Variants in ZNF365 observed in about 807,000 individuals in gnomAD.
ZNF365 encodes the protein zinc finger protein 365.
ZNF365 carries 22 observed loss-of-function variants against 35.0 expected under a neutral mutation model. The ratio of observed to expected loss-of-function variants is 0.63; its 90% CI spans 0.45 to 0.90. The LOEUF (loss-of-function observed/expected upper bound fraction) is 0.90. Ranked by LOEUF, ZNF365 falls within the 40% of genes least tolerant of loss-of-function variation. The probability of loss-of-function intolerance (pLI) is 0.00; values close to 1 mark genes in which losing one functional copy is unlikely to be tolerated. For synonymous variants in ZNF365, 188 were observed against 196.2 expected, an observed-to-expected ratio of 0.96 and a Z score of 0.35; for missense variants, 448 against 500.3, an observed-to-expected ratio of 0.90 and a Z score of 1.00.
chr10:62,411,384 T>A (rs1483689677), intron 3 of ZNF365, among the ~76,000 whole-genome samples: 1 of 152,154 alleles, frequency 6.6e-6, no homozygotes, highest in African/African-American at 2.4e-5. Context: ...TTGCCTAGAT[T>A]TTCTCCTAGG....
chr10:62,436,073 TTTTC>T (rs1840402275), intron 3 of ZNF365, among the ~76,000 whole-genome samples: 1 of 152,194 alleles, frequency 6.6e-6, no homozygotes, highest in Non-Finnish European at 1.5e-5. Context: ...AGACTGTTAC[TTTTC>T]TTTCTTATTC....
Position 62,416,245 on chromosome 10 carries a change from GA to G in ZNF365, c.924+27680del, listed in dbSNP as rs201929194. On this transcript the variant is annotated intron_variant, in intron 3 of 4. Transcript: ENST00000395255. Reference sequence around the variant, plus strand: ...TACCTGGTCAGATAAAATATTACCAGAAAAAAAAAAACGATGAAACTAAAAC... The same window carrying G: ...TACCTGGTCAGATAAAATATTACCAGAAAAAAAAAACGATGAAACTAAAAC... Among the ~76,000 whole-genome samples, 1,005 of 140,916 alleles carry G rather than the reference GA, an allele frequency of 7.1e-3. 27 individuals are homozygous for G. The East Asian group carries it at 0.09, about 13-fold the overall frequency. 92.4% of individuals were successfully genotyped at this position (140,916 alleles called of 152,430 possible). A position where few individuals can be genotyped will look rare whatever the true frequency, so the allele number is the denominator to read the frequency against.
chr10:62,420,473 A>G (rs1840149100), intron 3 of ZNF365, among the ~76,000 whole-genome samples: 1 of 152,202 alleles, frequency 6.6e-6, no homozygotes, highest in South Asian at 2.1e-4. Flanking sequence ...AGAGAATTGC[A>G]TGTAGGATTT....
At chr10:62,432,095 C>G (rs1290465328) in intron 3 of ZNF365, among the ~76,000 whole-genome samples, 1 of 152,110 alleles carries the variant, frequency 6.6e-6, no homozygotes, top group African/African-American at 2.4e-5. Flanking sequence ...GTCTGGTTTA[C>G]TGTGATTTGT....
chr10:62,428,197 T>C (rs988889573), intron 3 of ZNF365, among the ~76,000 whole-genome samples: 1 of 152,218 alleles, frequency 6.6e-6, no homozygotes, highest in Non-Finnish European at 1.5e-5. Context: ...TTCTGGGATG[T>C]AGATGTGTAC....
intron 3 of ZNF365, among the ~76,000 whole-genome samples, chr10:62,395,370 T>C (rs1467437228): frequency 6.6e-6 from 1 of 150,386 alleles, no homozygotes; most frequent in Non-Finnish European, 1.5e-5. Flanking sequence ...TTCGAGGCGC[T>C]CTTGTTGCCC....
intron 4 of ZNF365, among the ~76,000 whole-genome samples, chr10:62,467,269 TAA>T (rs920273650): frequency 9.2e-5 from 14 of 152,246 alleles, no homozygotes; most frequent in African/African-American, 3.1e-4. Flanking sequence ...GATTCAATGC[TAA>T]AAGTGGTCAA....
chr10:62,442,203 C>G (rs150718844), intron 3 of ZNF365, among the ~76,000 whole-genome samples: 5 of 152,276 alleles, frequency 3.3e-5, no homozygotes, highest in African/African-American at 1.2e-4. Context: ...AACAGCAACT[C>G]AAAGCTTTCC....
intron 3 of ZNF365, among the ~76,000 whole-genome samples, chr10:62,425,148 A>G (rs925059548): frequency 3.4e-4 from 51 of 152,172 alleles, no homozygotes; most frequent in African/African-American, 1.2e-3. Context: ...AACATTTTAA[A>G]TGTTACGTTT....
At chr10:62,377,207 C>T (rs1485357276) in intron 2 of ZNF365, among the ~76,000 whole-genome samples, 4 of 152,196 alleles carry the variant, frequency 2.6e-5, no homozygotes, top group Non-Finnish European at 5.9e-5. Context: ...AGAGAGAAGA[C>T]TAGCACAGCC....
At chr10:62,475,970 A>T (rs1841123769) in intron 4 of ZNF365, among the ~76,000 whole-genome samples, 1 of 152,154 alleles carries the variant, frequency 6.6e-6, no homozygotes, top group Admixed American at 6.6e-5. Context: ...GATCTTATTG[A>T]ATCTCCTGCA....
At chr10:62,450,312 T>C (rs947963739) in intron 3 of ZNF365, among the ~76,000 whole-genome samples, 2 of 152,164 alleles carry the variant, frequency 1.3e-5, no homozygotes, top group African/African-American at 4.8e-5. Context: ...CATTTAATCA[T>C]TCCATACGTC....
intron 3 of ZNF365, among the ~76,000 whole-genome samples, chr10:62,441,031 A>T (rs1840491984): frequency 6.6e-6 from 1 of 152,220 alleles, no homozygotes. Context: ...AATTATTTAA[A>T]TATTCACTTA....
At chr10:62,450,232 C>T (rs142382892) in intron 3 of ZNF365, among the ~76,000 whole-genome samples, 601 of 152,254 alleles carry the variant, frequency 3.9e-3, no homozygotes, top group Non-Finnish European at 5.9e-3. Context: ...TTTGTAACAA[C>T]GATAGCTAAT....
chr10:62,415,030 T>C (rs1245780615), intron 3 of ZNF365, among the ~76,000 whole-genome samples: 1 of 151,942 alleles, frequency 6.6e-6, no homozygotes, highest in Non-Finnish European at 1.5e-5. Context: ...GTCTGATTTG[T>C]TTTTAGAGAT....
At chr10:62,454,266 C>T (rs1162955898) in intron 3 of ZNF365, among the ~76,000 whole-genome samples, 1 of 152,164 alleles carries the variant, frequency 6.6e-6, no homozygotes, top group Non-Finnish European at 1.5e-5. Context: ...AAAGTCTGTA[C>T]AATATGACAA....
At chr10:62,452,477 G>C (rs1332468666) in intron 3 of ZNF365, among the ~76,000 whole-genome samples, 1 of 152,242 alleles carries the variant, frequency 6.6e-6, no homozygotes, top group Non-Finnish European at 1.5e-5. Context: ...GAATCTTGAA[G>C]AGAATTTCTT....
Position 62,388,506 on chromosome 10 carries a change from C to T in ZNF365, c.854C>T (p.Ala285Val). The T allele has an allele frequency of 2.5e-6, 4 of 1,614,108 alleles. No homozygotes were observed. The highest frequency in any genetic ancestry group is 2.2e-5 in the East Asian group (1 of 44,884). ...AATCTGTTACAGCGGGTAGAACTGG[C>T]GGAGAAGCAGCTTGAGTACTATCAG... ...IENLLQRVEL[A>V]EKQLEYYQSQ... The change falls in exon 3 of 5, where the codon GCG becomes GTG. Residue 285 changes from alanine (A) to valine (V), a missense_variant. Ala to Val is a moderately conservative substitution (Grantham distance 64). Around this residue, in one of 3 missense-constraint regions of ZNF365, gnomAD observed 362 missense variants for 375.7 expected, o/e 0.96. Transcript: ENST00000395254.
At chr10:62,397,233 A>T (rs2132426656) in intron 3 of ZNF365, among the ~76,000 whole-genome samples, 1 of 152,030 alleles carries the variant, frequency 6.6e-6, no homozygotes, top group South Asian at 2.1e-4. Context: ...AAAAGACAGA[A>T]CACAAGAATC....
Sources: allele counts gnomAD v4.1 joint callset (sites outside exome capture counted in the v4.1 genomes callset), GRCh38; gene constraint gnomAD v4.1.1; regional missense constraint gnomAD v4.1.1; transcripts MANE v1.5; gene names NCBI Gene and HGNC (gene_info 2026-07-23, HGNC 2026-07-21).